The following ARHGAP21 variants were observed in gnomAD, a reference collection of about 807,000 sequenced individuals.
ARHGAP21 encodes Rho GTPase activating protein 21.
A neutral mutation model predicts 164.6 loss-of-function variants in ARHGAP21; 38 were observed. The observed-to-expected ratio is 0.23, with a 90% CI of 0.18 to 0.30. The LOEUF is 0.30. Ranked by LOEUF, ARHGAP21 falls within the 10% of genes least tolerant of loss-of-function variation. ARHGAP21 has a pLI of 1.00. For missense variants in ARHGAP21, 1,822 were observed against 2,370.7 expected, an observed-to-expected ratio of 0.77 and a Z score of 4.81; for synonymous variants, 766 against 857.9, an observed-to-expected ratio of 0.89 and a Z score of 1.87.
intron 4 of ARHGAP21, among the ~76,000 whole-genome samples, chr10:24,662,241 C>T (rs1046355883): frequency 1.3e-5 from 2 of 152,094 alleles, no homozygotes; most frequent in Non-Finnish European, 2.9e-5. Flanking sequence ...CTACATAAGT[C>T]ATACCCTTTT....
intron 2 of ARHGAP21, among the ~76,000 whole-genome samples, chr10:24,718,272 G>A (rs899247040): frequency 1.3e-5 from 2 of 152,144 alleles, no homozygotes; most frequent in African/African-American, 2.4e-5. Flanking sequence ...CAGCGGTAGC[G>A]GTGAAATCTG....
Position 24,585,114 on chromosome 10 carries a change from T to C in ARHGAP21, c.5175A>G (p.Lys1725=). The C allele has an allele frequency of 1.2e-5, 19 of 1,613,424 alleles. No individual in the cohort carries two copies. Among genetic ancestry groups the C allele is most frequent in the Non-Finnish European group, 1.6e-5 (19 of 1,179,794 alleles). Residue 1725 remains lysine (K), a synonymous_variant, in exon 26 of 26, where the codon AAA becomes AAG. Transcript: ENST00000396432. ...SGSLGDAKNE[K]EAPSLTKVFD... The stretch of plus-strand genomic sequence containing the variant: ...ACACTTTAGTTAACGAAGGTGCTTC[T>C]TTCTCATTCTTGGCATCTCCTAGAC...
At chr10:24,666,841 C>T (rs1840243297) in intron 4 of ARHGAP21, 144 bp downstream of exon 4, 1 of 529,480 alleles carries the variant, frequency 1.9e-6, no homozygotes, top group South Asian at 2.4e-5. Context: ...CAGTAAAAAA[C>T]ATTTAATTCT....
chr10:24,695,050 C>CAAAAAAAAAAAAAAAAAAAAAAAAAA (rs570457905), intron 2 of ARHGAP21, among the ~76,000 whole-genome samples: 6 of 78,504 alleles, frequency 7.6e-5, no homozygotes, highest in Non-Finnish European at 1.4e-4. Flanking sequence ...AATTCCATCT[C>CAAAAAAAAAAAAAAAAAAAAAAAAAA]AAAAAAAAAA....
chr10:24,723,753 G>T lies in ARHGAP21; in HGVS notation c.-572C>A. 1 of 142,444 alleles carries T rather than the reference G, an allele frequency of 7.0e-6. No homozygotes were observed. Among genetic ancestry groups the T allele is most frequent in the South Asian group, 2.3e-4 (1 of 4,430 alleles). The allele number at this position is 142,444 out of a possible 1,614,324, so 8.8% of individuals were successfully genotyped here. A position where few individuals can be genotyped will look rare whatever the true frequency, so the allele number is the denominator to read the frequency against. Reference sequence around the variant, plus strand: ...CCGCTCCCAGGCACCGCCGCGACCTGCCCCGGCCGGCCCCGGGCTCTCGGC... The same window carrying T: ...CCGCTCCCAGGCACCGCCGCGACCTTCCCCGGCCGGCCCCGGGCTCTCGGC... On this transcript the variant is annotated 5_prime_UTR_variant, in exon 1 of 26. Coordinates refer to ENST00000396432, the MANE Select transcript of ARHGAP21 (RefSeq NM_020824.4).
chr10:24,678,865 T>C (rs1832666766), intron 2 of ARHGAP21, among the ~76,000 whole-genome samples: 2 of 152,236 alleles, frequency 1.3e-5, no homozygotes, highest in African/African-American at 4.8e-5. Context: ...ATACAGTCAG[T>C]AACCATTTGG....
intron 4 of ARHGAP21, among the ~76,000 whole-genome samples, chr10:24,656,050 C>T (rs1400662928): frequency 4.1e-5 from 6 of 147,632 alleles, no homozygotes; most frequent in Non-Finnish European, 6.0e-5. Flanking sequence ...AGGAGCCCCT[C>T]CGCCCGGCAG....
intron 4 of ARHGAP21, among the ~76,000 whole-genome samples, chr10:24,649,996 T>C (rs1000188612): frequency 2.6e-5 from 4 of 151,774 alleles, no homozygotes; most frequent in African/African-American, 9.7e-5. Flanking sequence ...TGAACATATA[T>C]TGGAAGAAAT....
At position 24,630,049 on chromosome 10, in the gene ARHGAP21, C is replaced by G. The variant is rs1243364934; in HGVS notation, c.442G>C (p.Asp148His). The change falls in exon 7 of 26, where the codon GAT (aspartate) becomes CAT (histidine). Residue 148 changes from aspartate (D) to histidine (H), a missense_variant and splice_region_variant. Coordinates refer to ENST00000396432, the MANE Select transcript of ARHGAP21 (RefSeq NM_020824.4). Reference protein sequence around the residue: ...SQVIALIQNSDTTLELSVMPK... With the variant: ...SQVIALIQNSHTTLELSVMPK... ...ATAACACTAAGTTCCAATGTTGTAT[C>G]ACTGAAATTGAATTATATACTATTT... 1 of 1,530,290 alleles carries G rather than the reference C, an allele frequency of 6.5e-7. No homozygotes were observed. The highest frequency in any genetic ancestry group is 1.4e-5 in the African/African-American group (1 of 71,360). The allele number at this position is 1,530,290 out of a possible 1,614,324, so 94.8% of individuals were successfully genotyped here.
intron 2 of ARHGAP21, among the ~76,000 whole-genome samples, chr10:24,699,801 C>T (rs1411706428): frequency 1.3e-5 from 2 of 152,148 alleles, no homozygotes; most frequent in Non-Finnish European, 2.9e-5. Flanking sequence ...TCAGCTTCTT[C>T]GTCTGTAAAA....
chr10:24,619,303 T>A (rs1834310513), intron 9 of ARHGAP21, among the ~76,000 whole-genome samples, 170 bp downstream of exon 9: 1 of 152,190 alleles, frequency 6.6e-6, no homozygotes, highest in South Asian at 2.1e-4. Flanking sequence ...AGAAATAACT[T>A]TTAAAGAGGT....
intron 9 of ARHGAP21, among the ~76,000 whole-genome samples, chr10:24,616,682 C>A (rs1184998777): frequency 6.6e-6 from 1 of 152,080 alleles, no homozygotes; most frequent in Non-Finnish European, 1.5e-5. Context: ...ACAGTCGTAG[C>A]ATTTTTGTAT....
intron 4 of ARHGAP21, among the ~76,000 whole-genome samples, chr10:24,637,842 G>C (rs895539978): frequency 4.0e-5 from 6 of 151,752 alleles, no homozygotes; most frequent in African/African-American, 1.5e-4. Context: ...TCTGCTGAGA[G>C]TTGCACTTTT....
intron 2 of ARHGAP21, among the ~76,000 whole-genome samples, chr10:24,719,529 T>C (rs1428245517): frequency 2.6e-5 from 4 of 152,224 alleles, no homozygotes; most frequent in Admixed American, 2.6e-4. Flanking sequence ...CCTATAAAGT[T>C]AGGTTTTCTT....
intron 3 of ARHGAP21, among the ~76,000 whole-genome samples, chr10:24,667,583 T>C (rs1840316213): frequency 6.6e-6 from 1 of 152,240 alleles, no homozygotes; most frequent in Non-Finnish European, 1.5e-5. Context: ...TACCTCTAGC[T>C]GGAAAATTAG....
At chr10:24,685,391 C>A (rs1268363796) in intron 2 of ARHGAP21, among the ~76,000 whole-genome samples, 1 of 152,200 alleles carries the variant, frequency 6.6e-6, no homozygotes, top group African/African-American at 2.4e-5. Context: ...CAAAGCCTAA[C>A]TAGCTCTATT....
intron 2 of ARHGAP21, among the ~76,000 whole-genome samples, chr10:24,700,468 T>G (rs1431269591): frequency 6.6e-6 from 1 of 152,202 alleles, no homozygotes; most frequent in Admixed American, 6.5e-5. Context: ...CAGCCTAAAG[T>G]CCAATTTCCA....
chr10:24,672,419 C>A (rs1229917204), intron 2 of ARHGAP21, among the ~76,000 whole-genome samples: 3 of 152,130 alleles, frequency 2.0e-5, no homozygotes, highest in African/African-American at 7.2e-5. Context: ...CCTGGAGGTA[C>A]CCAGGGCTCA....
chr10:24,661,267 T>C (rs1322290876), intron 4 of ARHGAP21, among the ~76,000 whole-genome samples: 9 of 151,426 alleles, frequency 5.9e-5, no homozygotes, highest in Non-Finnish European at 1.3e-4. Context: ...TTACTTAACC[T>C]TTTTCTTATA....
Sources: gnomAD v4.1 joint callset for allele counts (sites outside exome capture counted in the v4.1 genomes callset) on GRCh38, gnomAD v4.1.1 for gene constraint, MANE v1.5 for transcripts, NCBI Gene and HGNC (gene_info 2026-07-23, HGNC 2026-07-21) for gene names.